Variants in MYO3B observed in about 807,000 individuals in gnomAD.
MYO3B encodes myosin-IIIb.
Under a neutral mutation model 174.6 loss-of-function variants are expected in MYO3B, and 156 were observed. The observed-to-expected ratio is 0.89, with a 90% CI of 0.78 to 1.02. The LOEUF is 1.02. MYO3B is among the 50% of genes least tolerant of loss of function. MYO3B has a pLI of 0.00. For synonymous variants in MYO3B, 563 were observed against 569.1 expected, an observed-to-expected ratio of 0.99 and a Z score of 0.15; for missense variants, 1,632 against 1,639.4, an observed-to-expected ratio of 1.00 and a Z score of 0.08.
chr2:170,377,084 G>A (rs1003468649), intron 9 of MYO3B, among the ~76,000 whole-genome samples: 1 of 152,192 alleles, frequency 6.6e-6, no homozygotes, highest in Non-Finnish European at 1.5e-5. Context: ...GAGGCTAATT[G>A]ATTAATGAGT....
chr2:170,199,267 C>T lies in MYO3B; in HGVS notation c.62C>T (p.Pro21Leu). Residue 21 changes from proline to leucine, a missense_variant, in exon 2 of 35, where the codon CCA becomes CTA. Pro to Leu is a moderately conservative substitution (Grantham distance 98). Transcript: ENST00000408978. The stretch of plus-strand genomic sequence containing the variant: ...ATGATGCTTGGACTTGAATCACTTC[C>T]AGATCCCACAGACACCTGGGAAATT... ...NPMMLGLESL[P>L]DPTDTWEIIE... 1.2e-6 allele frequency: 2 copies of T among 1,613,464 alleles called. No individual in the cohort carries two copies. Among genetic ancestry groups the T allele is most frequent in the Middle Eastern group, 1.7e-4 (1 of 6,054 alleles).
Position 170,237,637 on chromosome 2 carries a change from C to G in MYO3B, c.749+1501C>G, listed in dbSNP as rs147594521. 3.9e-5 allele frequency among the ~76,000 whole-genome samples: 6 copies of G among 152,252 alleles called. No homozygotes were observed. The East Asian group carries it at 1.2e-3, about 29-fold the overall frequency. On this transcript the variant is annotated intron_variant, in intron 7 of 34. Coordinates refer to ENST00000408978, the MANE Select transcript of MYO3B (RefSeq NM_138995.5). ...AAGCTTCTTCTAATAATCTCATATT[C>G]TCTCACCACTCATCTCTTCCATCTT...
Position 170,214,751 on chromosome 2 carries a change from A to T in MYO3B, c.449A>T (p.Asn150Ile). The change falls in exon 5 of 35, where the codon AAC becomes ATC. Residue 150 changes from asparagine to isoleucine, a missense_variant. By Grantham distance (149) the Asn-to-Ile change is moderately radical. Transcript: ENST00000408978. Reference sequence around the variant, plus strand: ...CAGGGCCTTCAGCATTTGCACAACAACCGAATCATCCACCGTGATGTGAAG... The same window carrying T: ...CAGGGCCTTCAGCATTTGCACAACATCCGAATCATCCACCGTGATGTGAAG... ...ALLGLQHLHN[N>I]RIIHRDVKGN... is the part of the protein sequence containing the mutation. The T allele has an allele frequency of 6.2e-7, 1 of 1,614,138 alleles. No homozygotes were observed. Among genetic ancestry groups the T allele is most frequent in the East Asian group, 2.2e-5 (1 of 44,890 alleles).
intron 6 of MYO3B, among the ~76,000 whole-genome samples, chr2:170,233,894 G>A (rs549104284): frequency 3.3e-5 from 5 of 152,220 alleles, no homozygotes; most frequent in South Asian, 4.2e-4. Flanking sequence ...GTTTCTGGCC[G>A]GGCGCGGTGG....
At chr2:170,253,988 T>C (rs2093280449) in intron 7 of MYO3B, among the ~76,000 whole-genome samples, 1 of 151,898 alleles carries the variant, frequency 6.6e-6, no homozygotes, top group Admixed American at 6.6e-5. Context: ...ATCATCACAC[T>C]TTGAACAGAT....
intron 32 of MYO3B, among the ~76,000 whole-genome samples, chr2:170,572,345 T>A (rs1459422798): frequency 6.6e-6 from 1 of 151,954 alleles, no homozygotes; most frequent in Non-Finnish European, 1.5e-5. Flanking sequence ...GGAGAATTGC[T>A]TGAACCTGGG....
At chr2:170,388,291 TA>T (rs2094390224) in intron 14 of MYO3B, among the ~76,000 whole-genome samples, 1 of 151,936 alleles carries the variant, frequency 6.6e-6, no homozygotes, top group African/African-American at 2.4e-5. Context: ...ATTAAACAAG[TA>T]AACTTAAATG....
intron 7 of MYO3B, among the ~76,000 whole-genome samples, chr2:170,277,232 C>T (rs752370518): frequency 1.3e-4 from 20 of 152,190 alleles, no homozygotes; most frequent in Non-Finnish European, 2.4e-4. Flanking sequence ...CTCACATAAT[C>T]TGTACTAGTG....
At chr2:170,491,039 T>C (rs1175231327) in intron 25 of MYO3B, among the ~76,000 whole-genome samples, 1 of 152,192 alleles carries the variant, frequency 6.6e-6, no homozygotes, top group Non-Finnish European at 1.5e-5. Flanking sequence ...GTTGCTTTCC[T>C]ATTTTCTATT....
intron 32 of MYO3B, among the ~76,000 whole-genome samples, chr2:170,626,499 T>G (rs1267783873): frequency 6.6e-6 from 1 of 152,242 alleles, no homozygotes; most frequent in Non-Finnish European, 1.5e-5. Flanking sequence ...TCTTGACTTT[T>G]CATCCAATTT....
chr2:170,592,586 C>G (rs964151979), intron 32 of MYO3B, among the ~76,000 whole-genome samples: 4 of 152,196 alleles, frequency 2.6e-5, no homozygotes, highest in Non-Finnish European at 4.4e-5. Context: ...TTATTGAACA[C>G]TTACTGTGTA....
In MYO3B at chr2:170,652,996, C is replaced by G; in HGVS notation, c.3901C>G (p.Leu1301Val). 6.2e-7 allele frequency: 1 copy of G among 1,614,040 alleles called. No homozygotes were observed. The highest frequency in any genetic ancestry group is 1.1e-5 in the South Asian group (1 of 91,056). ...KPRKLGQIKV[L>V]DGEDEYYKSL... Reference sequence around the variant, plus strand: ...TCTTTGTTGCAGCCAAATCAAAGTACTTGATGGGGAAGATGAATATTACAA... The same window carrying G: ...TCTTTGTTGCAGCCAAATCAAAGTAGTTGATGGGGAAGATGAATATTACAA... The change falls in exon 35 of 35, where the codon CTT (leucine) becomes GTT (valine). Residue 1301 changes from leucine to valine, a missense_variant. Coordinates refer to ENST00000408978, the MANE Select transcript of MYO3B (RefSeq NM_138995.5).
intron 22 of MYO3B, among the ~76,000 whole-genome samples, chr2:170,437,501 C>T (rs1386498618): frequency 1.3e-5 from 2 of 152,156 alleles, no homozygotes; most frequent in African/African-American, 4.8e-5. Flanking sequence ...GCGTCTTTAT[C>T]TCTGCGGACA....
chr2:170,418,991 G>C (rs57855876), intron 22 of MYO3B, among the ~76,000 whole-genome samples: 330 of 152,306 alleles, frequency 2.2e-3, no homozygotes, highest in African/African-American at 7.4e-3. Context: ...TCCTTTGTGA[G>C]CCTACAGCCC....
At chr2:170,630,562 G>C (rs1696863984) in intron 32 of MYO3B, among the ~76,000 whole-genome samples, 1 of 152,212 alleles carries the variant, frequency 6.6e-6, no homozygotes, top group African/African-American at 2.4e-5. Flanking sequence ...TCCCAGCACA[G>C]TGTTTGAGCT....
chr2:170,268,670 A>G (rs1475012761), intron 7 of MYO3B, among the ~76,000 whole-genome samples: 1 of 152,194 alleles, frequency 6.6e-6, no homozygotes, highest in Non-Finnish European at 1.5e-5. Flanking sequence ...CTAGTTGGAA[A>G]AACACATAAA....
chr2:170,382,169 C>T (rs1335342940), intron 10 of MYO3B, 57 bp downstream of exon 10: 1 of 1,410,278 alleles, frequency 7.1e-7, no homozygotes, highest in Admixed American at 1.7e-5. Flanking sequence ...TGTGAATGGT[C>T]TGAACTTTCT....
At chr2:170,547,044 G>T (rs1015047919) in intron 32 of MYO3B, among the ~76,000 whole-genome samples, 1 of 152,134 alleles carries the variant, frequency 6.6e-6, no homozygotes, top group Non-Finnish European at 1.5e-5. Context: ...CCCTGGCACG[G>T]CGTGGTGGCT....
intron 7 of MYO3B, among the ~76,000 whole-genome samples, chr2:170,324,914 C>A (rs756265875): frequency 2.0e-5 from 3 of 152,234 alleles, no homozygotes; most frequent in Non-Finnish European, 4.4e-5. Context: ...GGTGGCTTCT[C>A]AATGAATTTC....
Sources: allele counts gnomAD v4.1 joint callset (sites outside exome capture counted in the v4.1 genomes callset), GRCh38; gene constraint gnomAD v4.1.1; transcripts MANE v1.5; gene names NCBI Gene and HGNC (gene_info 2026-07-23, HGNC 2026-07-21).